ANKRD55: variants seen among roughly 807,000 people sequenced by gnomAD.
The protein encoded by ANKRD55 is ankyrin repeat domain 55, also known as ankyrin repeat domain-containing protein 55.
In ANKRD55, 41 loss-of-function variants were observed where a neutral mutation model predicts 60.6. That is an observed-to-expected ratio of 0.68 (90% CI 0.53 to 0.88). The LOEUF is 0.88. Among genes scored for constraint, ANKRD55 ranks in the 40% least tolerant of loss-of-function variants. ANKRD55 has a pLI of 0.00. For missense variants in ANKRD55, 732 were observed against 767.6 expected (o/e 0.95, Z 0.55); for synonymous variants, 264 against 290.3 (o/e 0.91, Z 0.92).
At chr5:56,187,035 ATC>A (rs1758988979) in intron 2 of ANKRD55, among the ~76,000 whole-genome samples, 1 of 152,278 alleles carries the variant, frequency 6.6e-6, no homozygotes, top group Non-Finnish European at 1.5e-5. Flanking sequence ...AGGCACATTC[ATC>A]ACACTGTGGA....
intron 7 of ANKRD55, 59 bp from the exon 8 acceptor site, chr5:56,127,165 G>A: frequency 2.2e-6 from 3 of 1,352,960 alleles, no homozygotes; most frequent in Non-Finnish European, 2.9e-6. Flanking sequence ...TCTCTGTCTA[G>A]GCATGTTAAG....
chr5:56,196,495 C>A (rs1323795364), intron 2 of ANKRD55, among the ~76,000 whole-genome samples: 1 of 152,008 alleles, frequency 6.6e-6, no homozygotes, highest in African/African-American at 2.4e-5. Context: ...GGGTGTTATT[C>A]CCATGTTATA....
At chr5:56,178,864 C>T (rs1208617839) in intron 3 of ANKRD55, among the ~76,000 whole-genome samples, 3 of 116,806 alleles carry the variant, frequency 2.6e-5, no homozygotes, top group Non-Finnish European at 4.8e-5. Flanking sequence ...CCACTTCATA[C>T]ATATCGGATT....
intron 10 of ANKRD55, among the ~76,000 whole-genome samples, chr5:56,103,878 T>C (rs949233913): frequency 2.6e-5 from 4 of 152,186 alleles, no homozygotes; most frequent in African/African-American, 9.7e-5. Flanking sequence ...ACAACTTGCA[T>C]CTGTTTAAGT....
chr5:56,155,463 T>A (rs1382218684), intron 6 of ANKRD55, among the ~76,000 whole-genome samples: 1 of 152,154 alleles, frequency 6.6e-6, no homozygotes, highest in African/African-American at 2.4e-5. Context: ...GAAATTTCAT[T>A]ATTATGCTAA....
intron 6 of ANKRD55, among the ~76,000 whole-genome samples, chr5:56,159,316 C>G (rs1758267464): frequency 6.6e-6 from 1 of 152,170 alleles, no homozygotes; most frequent in African/African-American, 2.4e-5. Flanking sequence ...ACAAAATTAG[C>G]CGGGTGTGGT....
Position 56,222,770 on chromosome 5 carries a change from G to A in ANKRD55, c.58+10086C>T, listed in dbSNP as rs544260464. ...GGGTATCAGTGATTGAAGATCAAAT[G>A]AATGAAATGAAGCCAGAAGAGAAGT... On this transcript the variant is annotated intron_variant, in intron 2 of 11. Coordinates refer to ENST00000341048, the MANE Select transcript of ANKRD55 (RefSeq NM_024669.3). 2.3e-3 allele frequency among the ~76,000 whole-genome samples: 347 copies of A among 152,290 alleles called. 5 individuals carry two copies. The highest frequency in any genetic ancestry group is 0.021 in the Admixed American group (327 of 15,304).
chr5:56,126,048 C>T (rs1054228828), intron 8 of ANKRD55, among the ~76,000 whole-genome samples: 21 of 152,058 alleles, frequency 1.4e-4, no homozygotes, highest in East Asian at 3.9e-4. Flanking sequence ...GCAAGGGAAT[C>T]GCTTGGACCT....
chr5:56,217,479 T>C lies in ANKRD55; in HGVS notation c.58+15377A>G, dbSNP rs138759706. Among the ~76,000 whole-genome samples, 138 of 152,322 alleles carry C rather than the reference T, an allele frequency of 9.1e-4. 3 individuals carry two copies. In the Middle Eastern group the frequency reaches 0.027, roughly 30 times the overall value. ...ACATTTTGCAAGGCTATAGCCTCCA[T>C]AGATAGTGATTCCTCTGATGGATCT... On this transcript the variant is annotated intron_variant, in intron 2 of 11. Transcript: ENST00000341048.
At chr5:56,151,880 T>C (rs1030332748) in intron 6 of ANKRD55, among the ~76,000 whole-genome samples, 13 of 149,798 alleles carry the variant, frequency 8.7e-5, no homozygotes, top group Non-Finnish European at 1.5e-4. Flanking sequence ...TGTGTATATA[T>C]ACATATACAT....
chr5:56,106,420 C>CTTTTTTTTTTTTTTTTTTTTTTT lies in ANKRD55; in HGVS notation c.1631-3857_1631-3835dup, dbSNP rs71602938. On this transcript the variant is annotated intron_variant, in intron 10 of 11. Coordinates refer to ENST00000341048, the MANE Select transcript of ANKRD55 (RefSeq NM_024669.3). ...AATAAAATCCGTAAGGCTAGGAAAGCTTTTTTTTTTTTTTTTTTTTTTTGA... is the reference window on the plus strand; with the variant it reads ...AATAAAATCCGTAAGGCTAGGAAAGCTTTTTTTTTTTTTTTTTTTTTTTTTTTTTTTTTTTTTTTTTTTTTTGA... 6.5e-4 allele frequency among the ~76,000 whole-genome samples: 63 copies of CTTTTTTTTTTTTTTTTTTTTTTT among 96,914 alleles called. 6 individuals carry two copies. Among genetic ancestry groups the CTTTTTTTTTTTTTTTTTTTTTTT allele is most frequent in the African/African-American group, 2.9e-3 (50 of 17,134 alleles). 63.6% of individuals were successfully genotyped at this position (96,914 alleles called of 152,430 possible). A position where few individuals can be genotyped will look rare whatever the true frequency, so the allele number is the denominator to read the frequency against.
At position 56,171,333 on chromosome 5, in the gene ANKRD55, A is replaced by G. The variant is rs116245437; in HGVS notation, c.313-530T>C. The stretch of plus-strand genomic sequence containing the variant: ...CACCAGCACCTTCCAAAGGTTTCCC[A>G]TTGCTATGTTTTATCCACCTGTAAA... On this transcript the variant is annotated intron_variant, in intron 4 of 11. Coordinates refer to ENST00000341048, the MANE Select transcript of ANKRD55 (RefSeq NM_024669.3). Among the ~76,000 whole-genome samples the G allele has an allele frequency of 1.9e-3, 288 of 152,276 alleles. 1 individual carries two copies. Among genetic ancestry groups the G allele is most frequent in the African/African-American group, 6.5e-3 (272 of 41,552 alleles).
Position 56,135,249 on chromosome 5 carries a change from TC to T in ANKRD55, c.613-8144del, listed in dbSNP as rs1561263717. ...TTCCTTCCTTCCTTCCTTCCTTCCT[TC>T]CTTCCTTCCTTCTTTCCCTCCCTCC... On this transcript the variant is annotated intron_variant, in intron 7 of 11. Transcript: ENST00000341048. 2.1e-3 allele frequency among the ~76,000 whole-genome samples: 284 copies of T among 136,384 alleles called. 10 individuals carry two copies. The highest frequency in any genetic ancestry group is 5.2e-3 in the African/African-American group (183 of 35,046). 89.5% of individuals were successfully genotyped at this position (136,384 alleles called of 152,430 possible). A position where few individuals can be genotyped will look rare whatever the true frequency, so the allele number is the denominator to read the frequency against.
chr5:56,136,652 G>A (rs551961908), intron 7 of ANKRD55, among the ~76,000 whole-genome samples: 2 of 152,124 alleles, frequency 1.3e-5, no homozygotes, highest in Admixed American at 6.6e-5. Context: ...CGGGCAAGGC[G>A]GCTCGTACCT....
intron 10 of ANKRD55, among the ~76,000 whole-genome samples, chr5:56,105,753 T>C (rs996003304): frequency 2.6e-5 from 4 of 152,170 alleles, no homozygotes; most frequent in Non-Finnish European, 1.5e-5. Flanking sequence ...TGCAAAACGT[T>C]TGATGGGTTT....
At chr5:56,218,799 C>G (rs982507253) in intron 2 of ANKRD55, among the ~76,000 whole-genome samples, 2 of 151,892 alleles carry the variant, frequency 1.3e-5, no homozygotes, top group South Asian at 2.1e-4. Context: ...GGGAGAGAGA[C>G]ACACACACAG....
intron 2 of ANKRD55, among the ~76,000 whole-genome samples, chr5:56,202,545 G>A (rs1759403691): frequency 6.6e-6 from 1 of 152,180 alleles, no homozygotes; most frequent in South Asian, 2.1e-4. Context: ...AGTCATATGA[G>A]AAGAAGAGAG....
intron 7 of ANKRD55, among the ~76,000 whole-genome samples, chr5:56,138,980 A>G (rs546148952): frequency 7.4e-5 from 11 of 148,928 alleles, no homozygotes; most frequent in African/African-American, 2.5e-4. Context: ...TAAACTATGG[A>G]CTTTGGGCAT....
At chr5:56,145,781 C>T (rs116025993) in intron 6 of ANKRD55, among the ~76,000 whole-genome samples, 2,113 of 152,266 alleles carry the variant, frequency 0.014, 39 homozygotes, top group Admixed American at 0.04. Flanking sequence ...GGTTTGCTTT[C>T]AAGTTTCAAG....
Sources: gnomAD v4.1 joint callset for allele counts (sites outside exome capture counted in the v4.1 genomes callset) on GRCh38, gnomAD v4.1.1 for gene constraint, MANE v1.5 for transcripts, NCBI Gene and HGNC (gene_info 2026-07-23, HGNC 2026-07-21) for gene names.